Variants in PITPNA observed in about 807,000 individuals in gnomAD.
PITPNA encodes the protein phosphatidylinositol transfer protein alpha, also known as phosphatidylinositol transfer protein alpha isoform.
In PITPNA, 13 loss-of-function variants were observed where a neutral mutation model predicts 50.3. That is an observed-to-expected ratio of 0.26 (90% CI 0.17 to 0.41). The LOEUF (loss-of-function observed/expected upper bound fraction) is 0.41. Among genes scored for constraint, PITPNA ranks in the 10% least tolerant of loss-of-function variants. PITPNA has a pLI of 1.00. For missense variants in PITPNA, 207 were observed against 333.4 expected, an observed-to-expected ratio of 0.62 and a Z score of 2.95; for synonymous variants, 120 against 119.6, an observed-to-expected ratio of 1.00 and a Z score of -0.02.
At chr17:1,524,984 G>A (rs1476138611) in intron 10 of PITPNA, among the ~76,000 whole-genome samples, 2 of 151,956 alleles carry the variant, frequency 1.3e-5, no homozygotes, top group African/African-American at 2.4e-5. Flanking sequence ...TTATGTTATA[G>A]AATACAAAAT....
chr17:1,527,819 A>T (rs1360328231), intron 10 of PITPNA, among the ~76,000 whole-genome samples: 1 of 152,228 alleles, frequency 6.6e-6, no homozygotes. Context: ...GGGTACATAG[A>T]TCTTTCCACG....
chr17:1,540,682 G>A (rs901531332), intron 6 of PITPNA, among the ~76,000 whole-genome samples: 8 of 151,642 alleles, frequency 5.3e-5, no homozygotes, highest in African/African-American at 1.5e-4. Flanking sequence ...TTCGACTCCC[G>A]GGTTCACGCC....
rs966960774 is a variant in PITPNA, at chr17:1,535,231, T to C, written c.596A>G (p.Lys199Arg). 5.6e-6 allele frequency: 9 copies of C among 1,614,034 alleles called. No homozygotes were observed. Among genetic ancestry groups the C allele is most frequent in the Non-Finnish European group, 5.9e-6 (7 of 1,179,846 alleles). Reference sequence around the variant, plus strand: ...GTTCTGCAGGCCCCACCACTTGAACTTGACGGTCACCAGTTTGTATGCACA... The same window carrying C: ...GTTCTGCAGGCCCCACCACTTGAACCTGACGGTCACCAGTTTGTATGCACA... ...YMCAYKLVTV[K>R]FKWWGLQNKV... Residue 199 changes from lysine (K) to arginine (R), a missense_variant, in exon 9 of 12, where the codon AAG becomes AGG. Coordinates refer to ENST00000313486, the MANE Select transcript of PITPNA (RefSeq NM_006224.4).
chr17:1,548,410 T>C, intron 3 of PITPNA, 23 bp from the exon 4 acceptor site: 1 of 1,514,676 alleles, frequency 6.6e-7, no homozygotes, highest in Admixed American at 1.9e-5. Flanking sequence ...AAAAAAGGGG[T>C]ATAAAGAGAA....
At chr17:1,547,690 A>AT (rs1363164285) in intron 4 of PITPNA, among the ~76,000 whole-genome samples, 1 of 151,260 alleles carries the variant, frequency 6.6e-6, no homozygotes, top group Non-Finnish European at 1.5e-5. Flanking sequence ...ATGATCTAAA[A>AT]TTTTTCGAGA....
intron 10 of PITPNA, among the ~76,000 whole-genome samples, chr17:1,531,072 T>G (rs2075579476): frequency 6.6e-6 from 1 of 152,084 alleles, no homozygotes; most frequent in Admixed American, 6.6e-5. Flanking sequence ...GGAGGTTCAC[T>G]CTCTGAAGCG....
chr17:1,524,367 C>T (rs1479009040), intron 10 of PITPNA, among the ~76,000 whole-genome samples: 9 of 131,770 alleles, frequency 6.8e-5, no homozygotes, highest in Non-Finnish European at 1.2e-4. Flanking sequence ...TTTTTTGAGA[C>T]AGGGTCTCAC....
At chr17:1,539,067 A>G (rs1024292322) in intron 6 of PITPNA, 115 bp from the exon 7 acceptor site, 2 of 641,396 alleles carry the variant, frequency 3.1e-6, no homozygotes, top group African/African-American at 3.7e-5. Context: ...AAGATTCCTA[A>G]TGATAAGTAA....
At chr17:1,531,188 C>T (rs990502396) in intron 10 of PITPNA, among the ~76,000 whole-genome samples, 2 of 152,096 alleles carry the variant, frequency 1.3e-5, no homozygotes, top group African/African-American at 4.8e-5. Context: ...GCACAATGAG[C>T]CCACTGGGAC....
At chr17:1,554,566 C>A (rs2075726205) in intron 2 of PITPNA, among the ~76,000 whole-genome samples, 1 of 151,868 alleles carries the variant, frequency 6.6e-6, no homozygotes, top group South Asian at 2.1e-4. Flanking sequence ...GAGATTAAAA[C>A]AGAAAGGATG....
chr17:1,547,416 G>A (rs528447406), intron 4 of PITPNA, among the ~76,000 whole-genome samples: 3 of 152,076 alleles, frequency 2.0e-5, no homozygotes, highest in South Asian at 2.1e-4. Context: ...CTGGGAGGCC[G>A]AGGCAGGTGG....
intron 2 of PITPNA, among the ~76,000 whole-genome samples, chr17:1,556,653 G>C (rs2075736371): frequency 6.6e-6 from 1 of 152,262 alleles, no homozygotes; most frequent in Non-Finnish European, 1.5e-5. Flanking sequence ...CGAGTTCCTG[G>C]GGCACATCTT....
chr17:1,558,769 A>ACCCCCCCCCCCCCCCCCCCCCCCC (rs147366133), intron 1 of PITPNA, among the ~76,000 whole-genome samples: 3 of 22,694 alleles, frequency 1.3e-4, no homozygotes, highest in Non-Finnish European at 2.2e-4. Context: ...CTGTGACAAC[A>ACCCCCCCCCCCCCCCCCCCCCCCC]CCCCCCCCCC....
At chr17:1,550,685 T>C (rs2075703595) in intron 3 of PITPNA, among the ~76,000 whole-genome samples, 1 of 152,118 alleles carries the variant, frequency 6.6e-6, no homozygotes, top group Non-Finnish European at 1.5e-5. Flanking sequence ...CACACCACTA[T>C]GCCTGGCTCA....
chr17:1,534,251 G>T (rs748934198), intron 9 of PITPNA, 30 bp from the exon 10 acceptor site: 61 of 1,612,570 alleles, frequency 3.8e-5, no homozygotes, highest in Non-Finnish European at 5.1e-5. Context: ...ACGTTAGAAC[G>T]CAGAAGGCAA....
At chr17:1,525,638 A>T (rs2075543250) in intron 10 of PITPNA, among the ~76,000 whole-genome samples, 1 of 149,282 alleles carries the variant, frequency 6.7e-6, no homozygotes, top group African/African-American at 2.5e-5. Flanking sequence ...CCTGCCTCAA[A>T]CTCCCGAGTA....
chr17:1,519,405 C>A lies in PITPNA; in HGVS notation c.*1156G>T, dbSNP rs2075495179. Reference sequence around the variant, plus strand: ...CTGGAGCCTGGACTTCCTCACCAGCCTACTTTGGTCGGGTTCTGTACTATG... The same window carrying A: ...CTGGAGCCTGGACTTCCTCACCAGCATACTTTGGTCGGGTTCTGTACTATG... On this transcript the variant is annotated 3_prime_UTR_variant, in exon 12 of 12. Coordinates refer to ENST00000313486, the MANE Select transcript of PITPNA (RefSeq NM_006224.4). The A allele has an allele frequency of 6.6e-6, 1 of 152,468 alleles. No homozygotes were observed. The highest frequency in any genetic ancestry group is 2.4e-5 in the African/African-American group (1 of 41,462). The allele number at this position is 152,468 out of a possible 1,614,324, so 9.4% of individuals were successfully genotyped here.
At chr17:1,558,717 G>A (rs1488501333) in intron 1 of PITPNA, among the ~76,000 whole-genome samples, 158 bp from the exon 2 acceptor site, 1 of 149,256 alleles carries the variant, frequency 6.7e-6, no homozygotes, top group African/African-American at 2.5e-5. Context: ...AGTGCTCTGA[G>A]GACAGGACCC....
intron 3 of PITPNA, among the ~76,000 whole-genome samples, chr17:1,550,603 C>G (rs191644420): frequency 6.6e-6 from 1 of 152,132 alleles, no homozygotes; most frequent in Admixed American, 6.5e-5. Context: ...TCATGGCTCA[C>G]TGGCAGCCTT....
Sources: gnomAD v4.1 joint callset for allele counts (sites outside exome capture counted in the v4.1 genomes callset) on GRCh38, gnomAD v4.1.1 for gene constraint, MANE v1.5 for transcripts, NCBI Gene and HGNC (gene_info 2026-07-23, HGNC 2026-07-21) for gene names.